NAV2: variants seen among roughly 807,000 people sequenced by gnomAD.
The protein encoded by NAV2 is neuron navigator 2.
NAV2 carries 54 observed loss-of-function variants against 223.2 expected under a neutral mutation model. The ratio of observed to expected loss-of-function variants is 0.24; its 90% CI spans 0.19 to 0.30. The LOEUF (loss-of-function observed/expected upper bound fraction) is 0.30. Ranked by LOEUF, NAV2 falls within the 10% of genes least tolerant of loss-of-function variation. The probability of loss-of-function intolerance (pLI) is 1.00; values close to 1 mark genes in which losing one functional copy is unlikely to be tolerated. For synonymous variants in NAV2, 1,279 were observed against 1,239.3 expected (o/e 1.03, Z -0.67); for missense variants, 2,806 against 3,147.5 (o/e 0.89, Z 2.60).
chr11:19,975,389 C>T (rs918693563), intron 10 of NAV2, among the ~76,000 whole-genome samples: 1 of 152,168 alleles, frequency 6.6e-6, no homozygotes, highest in African/African-American at 2.4e-5. Flanking sequence ...CTTTGTGCAT[C>T]GGAGTATGTA....
chr11:19,796,882 C>T (rs559523237), intron 1 of NAV2, among the ~76,000 whole-genome samples: 36 of 152,306 alleles, frequency 2.4e-4, no homozygotes, highest in Non-Finnish European at 4.4e-4. Flanking sequence ...TAGGTAGTCT[C>T]CCCATGGCTC....
At chr11:20,027,369 CT>C in intron 11 of NAV2, 3 of 985,316 alleles carry the variant, frequency 3.0e-6, no homozygotes, top group Non-Finnish European at 3.6e-6. Flanking sequence ...CCAGTCTGGA[CT>C]TTTTTGCAAC....
intron 10 of NAV2, among the ~76,000 whole-genome samples, chr11:19,977,687 G>A (rs1291442436): frequency 2.0e-5 from 3 of 151,826 alleles, no homozygotes; most frequent in African/African-American, 4.8e-5. Context: ...AATTCGCACT[G>A]AGAAATTAAG....
intron 7 of NAV2, among the ~76,000 whole-genome samples, chr11:19,939,209 C>T (rs1439493997): frequency 6.6e-6 from 1 of 152,132 alleles, no homozygotes; most frequent in African/African-American, 2.4e-5. Context: ...TTATGGTCAC[C>T]TTTATAGAGA....
chr11:19,401,465 T>A (rs184617957), intron 1 of NAV2, among the ~76,000 whole-genome samples: 5 of 152,352 alleles, frequency 3.3e-5, no homozygotes, highest in African/African-American at 1.2e-4. Flanking sequence ...ACTGTTGGAT[T>A]TACTGGGCAC....
intron 1 of NAV2, among the ~76,000 whole-genome samples, chr11:19,459,159 C>T (rs1014100425): frequency 6.6e-6 from 1 of 152,224 alleles, no homozygotes; most frequent in African/African-American, 2.4e-5. Context: ...CCAATCTATA[C>T]AGGCTTATGC....
intron 1 of NAV2, among the ~76,000 whole-genome samples, chr11:19,579,092 A>G (rs1258465349): frequency 1.3e-5 from 2 of 152,152 alleles, no homozygotes; most frequent in Non-Finnish European, 2.9e-5. Context: ...AAGCCATATG[A>G]TGTGTACGTA....
At chr11:19,764,695 G>A (rs186765694) in intron 1 of NAV2, among the ~76,000 whole-genome samples, 2 of 152,030 alleles carry the variant, frequency 1.3e-5, no homozygotes, top group African/African-American at 4.8e-5. Context: ...CATTCTTTAT[G>A]TTATATGTGC....
intron 1 of NAV2, among the ~76,000 whole-genome samples, chr11:19,480,410 T>C (rs2042242807): frequency 6.6e-6 from 1 of 152,148 alleles, no homozygotes; most frequent in South Asian, 2.1e-4. Context: ...GGATTTGGAT[T>C]CCAGAAGCTT....
intron 1 of NAV2, among the ~76,000 whole-genome samples, chr11:19,578,084 G>A (rs950472873): frequency 6.6e-6 from 1 of 152,096 alleles, no homozygotes; most frequent in African/African-American, 2.4e-5. Flanking sequence ...ATCCAGCAGC[G>A]TCCCCTCCCC....
intron 10 of NAV2, among the ~76,000 whole-genome samples, chr11:19,973,003 G>A (rs1443517659): frequency 1.3e-5 from 2 of 152,174 alleles, no homozygotes; most frequent in African/African-American, 4.8e-5. Flanking sequence ...GTTGAATGAT[G>A]TTCCCAAGGT....
At chr11:19,989,097 T>A (rs534271835) in intron 11 of NAV2, among the ~76,000 whole-genome samples, 16 of 152,164 alleles carry the variant, frequency 1.1e-4, no homozygotes, top group African/African-American at 3.4e-4. Context: ...AAGCCTGTGG[T>A]AGGTGTAATA....
At chr11:19,834,066 G>A (rs1026511236) in intron 2 of NAV2, among the ~76,000 whole-genome samples, 1 of 151,858 alleles carries the variant, frequency 6.6e-6, no homozygotes, top group Non-Finnish European at 1.5e-5. Context: ...CAAGTCACAG[G>A]TCCCTACACT....
intron 1 of NAV2, among the ~76,000 whole-genome samples, chr11:19,377,765 T>C (rs1848691942): frequency 6.6e-6 from 1 of 152,176 alleles, no homozygotes; most frequent in South Asian, 2.1e-4. Flanking sequence ...TTGGGAAGGA[T>C]AACCCAGGTC....
At chr11:19,770,486 A>T (rs565206456) in intron 1 of NAV2, among the ~76,000 whole-genome samples, 2 of 152,040 alleles carry the variant, frequency 1.3e-5, no homozygotes, top group South Asian at 4.2e-4. Context: ...TATCTGCTGC[A>T]TTGAGGTGGT....
chr11:19,537,815 A>T (rs545406467), intron 1 of NAV2, among the ~76,000 whole-genome samples: 1 of 152,232 alleles, frequency 6.6e-6, no homozygotes. Flanking sequence ...TGGGCAAGTT[A>T]TTTAATGTTT....
At chr11:19,966,126 A>G (rs182987948) in intron 10 of NAV2, among the ~76,000 whole-genome samples, 1 of 152,320 alleles carries the variant, frequency 6.6e-6, no homozygotes, top group Non-Finnish European at 1.5e-5. Context: ...CCCTTCTGCC[A>G]TACTGTATTG....
intron 1 of NAV2, among the ~76,000 whole-genome samples, chr11:19,405,274 C>G (rs1406471776): frequency 6.6e-6 from 1 of 152,140 alleles, no homozygotes; most frequent in Non-Finnish European, 1.5e-5. Context: ...TTATTTCCCC[C>G]AAACAAATAG....
intron 1 of NAV2, among the ~76,000 whole-genome samples, chr11:19,728,810 T>C (rs1310694800): frequency 6.6e-6 from 1 of 152,254 alleles, no homozygotes; most frequent in East Asian, 1.9e-4. Flanking sequence ...AAGGCAGAAC[T>C]CAATCAAGAA....
Sources: allele counts gnomAD v4.1 joint callset (sites outside exome capture counted in the v4.1 genomes callset), GRCh38; gene constraint gnomAD v4.1.1; transcripts MANE v1.5; gene names NCBI Gene and HGNC (gene_info 2026-07-23, HGNC 2026-07-21).